The following ERC1 variants were observed in gnomAD, a reference collection of about 807,000 sequenced individuals.
ERC1 encodes the protein RAB6 interacting protein 2.
ERC1 carries 56 observed loss-of-function variants against 132.0 expected under a neutral mutation model. The ratio of observed to expected loss-of-function variants is 0.42; its 90% CI spans 0.34 to 0.53. The LOEUF (loss-of-function observed/expected upper bound fraction) is 0.53. ERC1 is among the 20% of genes least tolerant of loss of function. The pLI, the probability that ERC1 is intolerant of heterozygous loss-of-function variation, is 0.03. For missense variants in ERC1, 1,202 were observed against 1,349.9 expected (o/e 0.89, Z 1.72); for synonymous variants, 478 against 476.1 (o/e 1.00, Z -0.05).
At chr12:1,180,111 C>G (rs1395533653) in intron 8 of ERC1, among the ~76,000 whole-genome samples, 1 of 152,154 alleles carries the variant, frequency 6.6e-6, no homozygotes, top group Non-Finnish European at 1.5e-5. Context: ...CCTCTGTCCT[C>G]CCTTTATTCT....
At chr12:1,194,519 G>A (rs566264208) in intron 12 of ERC1, among the ~76,000 whole-genome samples, 2 of 152,090 alleles carry the variant, frequency 1.3e-5, no homozygotes, top group Non-Finnish European at 2.9e-5. Flanking sequence ...TTTCACTCAC[G>A]CTGTCCATCT....
At chr12:1,179,494 A>G (rs1159799615) in intron 8 of ERC1, among the ~76,000 whole-genome samples, 1 of 121,864 alleles carries the variant, frequency 8.2e-6, no homozygotes, top group African/African-American at 3.1e-5. Flanking sequence ...GAGTCTATTC[A>G]TTTTTCTTTT....
intron 1 of ERC1, among the ~76,000 whole-genome samples, chr12:1,013,653 AT>A (rs1965047247): frequency 6.6e-6 from 1 of 152,166 alleles, no homozygotes; most frequent in Admixed American, 6.5e-5. Context: ...GACTTAATAC[AT>A]TTTAGTTACA....
In ERC1 at chr12:1,389,228, C is replaced by T. The variant is rs76332507; in HGVS notation, c.2925+17251C>T. The stretch of plus-strand genomic sequence containing the variant: ...TGCTTATTTTTAGTAGAGTTGAATT[C>T]GAGGTTATTTATACCCAAATAGATA... On this transcript the variant is annotated intron_variant, in intron 16 of 18. Coordinates refer to ENST00000360905, the MANE Select transcript of ERC1 (RefSeq NM_178040.4). 7.5e-3 allele frequency among the ~76,000 whole-genome samples: 1,135 copies of T among 152,154 alleles called. 11 individuals carry two copies. Among genetic ancestry groups the T allele is most frequent in the Non-Finnish European group, 0.012 (792 of 67,984 alleles).
chr12:1,119,392 G>C (rs1946810411), intron 7 of ERC1, among the ~76,000 whole-genome samples: 1 of 152,040 alleles, frequency 6.6e-6, no homozygotes, highest in Non-Finnish European at 1.5e-5. Context: ...CACAGAGGTG[G>C]TCTGGATTTA....
At chr12:1,054,548 G>A (rs980616428) in intron 2 of ERC1, among the ~76,000 whole-genome samples, 2 of 151,732 alleles carry the variant, frequency 1.3e-5, no homozygotes, top group Non-Finnish European at 2.9e-5. Context: ...TAGGCAAAAC[G>A]GATGGCAGTG....
intron 15 of ERC1, 89 bp from the exon 16 acceptor site, chr12:1,371,743 TA>T (rs1479066902): frequency 2.3e-5 from 34 of 1,448,776 alleles, no homozygotes; most frequent in Non-Finnish European, 3.1e-5. Flanking sequence ...TTGGTTTTAT[TA>T]CCCTCAAAAT....
At chr12:1,101,122 A>G (rs928784554) in intron 3 of ERC1, among the ~76,000 whole-genome samples, 1 of 152,184 alleles carries the variant, frequency 6.6e-6, no homozygotes, top group Non-Finnish European at 1.5e-5. Flanking sequence ...TGAATTGCAT[A>G]GATGATTATT....
intron 16 of ERC1, among the ~76,000 whole-genome samples, chr12:1,373,549 A>C (rs988337323): frequency 6.6e-6 from 1 of 152,256 alleles, no homozygotes; most frequent in Non-Finnish European, 1.5e-5. Context: ...TGGGAGGCCA[A>C]GGCGGGTGGA....
chr12:1,040,531 C>A (rs1038508644), intron 2 of ERC1, among the ~76,000 whole-genome samples: 1 of 152,100 alleles, frequency 6.6e-6, no homozygotes, highest in Admixed American at 6.5e-5. Flanking sequence ...TGGTCTCCAT[C>A]TCCTGACCTC....
chr12:1,264,296 A>G (rs2077334918), intron 14 of ERC1, among the ~76,000 whole-genome samples: 1 of 152,196 alleles, frequency 6.6e-6, no homozygotes, highest in African/African-American at 2.4e-5. Flanking sequence ...CAGATGGGAA[A>G]AGTGAATGGA....
intron 7 of ERC1, among the ~76,000 whole-genome samples, chr12:1,130,190 G>GT (rs1420324787): frequency 6.6e-6 from 1 of 152,180 alleles, no homozygotes; most frequent in African/African-American, 2.4e-5. Context: ...GACAGAAATT[G>GT]TAAGAAAGCG....
intron 2 of ERC1, among the ~76,000 whole-genome samples, chr12:1,058,328 T>C (rs553873685): frequency 6.6e-6 from 1 of 152,330 alleles, no homozygotes; most frequent in South Asian, 2.1e-4. Flanking sequence ...TAGTTTCAGG[T>C]CTTACATTTA....
chr12:1,370,327 A>C (rs12310831), intron 15 of ERC1, among the ~76,000 whole-genome samples: 17,311 of 152,204 alleles, frequency 0.11, 2,445 homozygotes, highest in African/African-American at 0.33. Context: ...GGAATCTGTA[A>C]AGTTTAAATT....
In ERC1 at chr12:1,182,053, T is replaced by G; in HGVS notation, c.2004T>G (p.Leu668=). 6.2e-7 allele frequency: 1 copy of G among 1,613,918 alleles called. No individual in the cohort carries two copies. Among genetic ancestry groups the G allele is most frequent in the Non-Finnish European group, 8.5e-7 (1 of 1,179,894 alleles). ...KEKVSLLQGD[L]SEKEASLLDL... is the part of the protein sequence containing the mutation. The stretch of plus-strand genomic sequence containing the variant: ...AAGTCAGCCTGTTGCAAGGCGACCT[T>G]TCAGAGAAAGAGGTTAAGCTCCCCA... Residue 668 remains leucine, a synonymous_variant, in exon 10 of 19, where the codon CTT becomes CTG. Transcript: ENST00000360905.
chr12:1,110,894 G>A (rs1945779909), intron 5 of ERC1, among the ~76,000 whole-genome samples: 1 of 152,016 alleles, frequency 6.6e-6, no homozygotes, highest in South Asian at 2.1e-4. Context: ...TGTAGAGATG[G>A]GGTTTCACCT....
chr12:1,406,832 C>T (rs2091525306), intron 16 of ERC1, among the ~76,000 whole-genome samples: 1 of 152,068 alleles, frequency 6.6e-6, no homozygotes, highest in Non-Finnish European at 1.5e-5. Context: ...GTGATGATGC[C>T]ACTGTACTGT....
intron 8 of ERC1, among the ~76,000 whole-genome samples, chr12:1,153,444 A>G (rs1371852902): frequency 6.6e-6 from 1 of 152,226 alleles, no homozygotes; most frequent in African/African-American, 2.4e-5. Flanking sequence ...ATCCTATTCC[A>G]AAGAGATTGT....
At chr12:1,329,591 C>T (rs947697192) in intron 15 of ERC1, among the ~76,000 whole-genome samples, 2 of 152,106 alleles carry the variant, frequency 1.3e-5, no homozygotes, top group Non-Finnish European at 2.9e-5. Flanking sequence ...GAGTAATTTT[C>T]CCAATTATAC....
Sources: gnomAD v4.1 joint callset for allele counts (sites outside exome capture counted in the v4.1 genomes callset) on GRCh38, gnomAD v4.1.1 for gene constraint, MANE v1.5 for transcripts, NCBI Gene and HGNC (gene_info 2026-07-23, HGNC 2026-07-21) for gene names.